The following ZNF492 variants were observed in gnomAD, a reference collection of about 807,000 sequenced individuals.
ZNF492 encodes the protein zinc finger protein 115 (Y20).
Under a neutral mutation model 6.4 loss-of-function variants are expected in ZNF492, and 3 were observed. The ratio of observed to expected loss-of-function variants is 0.47; its 90% CI spans 0.21 to 1.22. The LOEUF is 1.22. ZNF492 is among the 50% of genes most tolerant of loss of function. ZNF492 has a pLI of 0.22. For synonymous variants in ZNF492, 112 were observed against 205.3 expected, an observed-to-expected ratio of 0.55 and a Z score of 3.89; for missense variants, 356 against 612.5, an observed-to-expected ratio of 0.58 and a Z score of 4.42.
At chr19:22,634,709 G>T (rs1971742336) in intron 1 of ZNF492, among the ~76,000 whole-genome samples, 1 of 152,126 alleles carries the variant, frequency 6.6e-6, no homozygotes, top group East Asian at 1.9e-4. Flanking sequence ...CCCTGGCCTG[G>T]AGCCCTCTCT....
intron 1 of ZNF492, among the ~76,000 whole-genome samples, chr19:22,646,923 T>C (rs894196931): frequency 6.6e-6 from 1 of 152,096 alleles, no homozygotes; most frequent in East Asian, 1.9e-4. Context: ...TGAGACCGAG[T>C]TTCTCTCTTG....
At chr19:22,662,492 C>A (rs1240135405) in intron 3 of ZNF492, among the ~76,000 whole-genome samples, 1 of 152,234 alleles carries the variant, frequency 6.6e-6, no homozygotes, top group South Asian at 2.1e-4. Flanking sequence ...AGTTCTAGAT[C>A]CTTGAGGAAT....
chr19:22,636,000 C>G (rs1971757586), intron 1 of ZNF492, among the ~76,000 whole-genome samples: 1 of 152,170 alleles, frequency 6.6e-6, no homozygotes, highest in Admixed American at 6.5e-5. Context: ...GGTACTTTTT[C>G]TGATCCTCTT....
chr19:22,652,238 T>TTTTTTTTTTTTTTTTTTTTAG, intron 1 of ZNF492, among the ~76,000 whole-genome samples: 1 of 124,140 alleles, frequency 8.1e-6, no homozygotes, highest in African/African-American at 4.5e-5. Flanking sequence ...TTTTTTTTTT[T>TTTTTTTTTTTTTTTTTTTTAG]GAGACGGAGT....
chr19:22,639,185 G>A (rs1456554988), intron 1 of ZNF492, among the ~76,000 whole-genome samples: 2 of 152,026 alleles, frequency 1.3e-5, no homozygotes, highest in Non-Finnish European at 1.5e-5. Flanking sequence ...TTTTCCATTT[G>A]TTTGTGTCAT....
Position 22,653,911 on chromosome 19 carries a change from A to G in ZNF492, c.35-9A>G, listed in dbSNP as rs933138450. On this transcript the variant is annotated splice_polypyrimidine_tract_variant and intron_variant, in intron 2 of 3. Transcript: ENST00000456783. The stretch of plus-strand genomic sequence containing the variant: ...ATGAGCAAGATTCATGTTATTTGTA[A>G]TAAAACAGGTATTGCTGCCTCTAAG... The G allele has an allele frequency of 9.5e-6, 15 of 1,578,276 alleles. No individual in the cohort carries two copies. Among genetic ancestry groups the G allele is most frequent in the African/African-American group, 1.4e-5 (1 of 72,468 alleles).
intron 1 of ZNF492, among the ~76,000 whole-genome samples, chr19:22,639,578 C>G (rs925685322): frequency 2.0e-5 from 3 of 151,756 alleles, no homozygotes; most frequent in Non-Finnish European, 4.4e-5. Flanking sequence ...GGCGTGGTGG[C>G]GCATACCTTT....
At chr19:22,645,053 C>T (rs1276544702) in intron 1 of ZNF492, among the ~76,000 whole-genome samples, 1 of 146,402 alleles carries the variant, frequency 6.8e-6, no homozygotes, top group Admixed American at 6.8e-5. Context: ...CTTTTGCCCA[C>T]TTTTTTTTTT....
chr19:22,661,886 A>C (rs1378684483), intron 3 of ZNF492, among the ~76,000 whole-genome samples: 1 of 152,130 alleles, frequency 6.6e-6, no homozygotes, highest in African/African-American at 2.4e-5. Context: ...TTGAACCACC[A>C]AACTCCTTCT....
At chr19:22,645,314 T>G (rs1449396169) in intron 1 of ZNF492, among the ~76,000 whole-genome samples, 1 of 152,202 alleles carries the variant, frequency 6.6e-6, no homozygotes, top group Non-Finnish European at 1.5e-5. Flanking sequence ...CCCAAAGTGC[T>G]GGGAGTACAG....
At chr19:22,640,966 T>A (rs755175702) in intron 1 of ZNF492, among the ~76,000 whole-genome samples, 11 of 151,904 alleles carry the variant, frequency 7.2e-5, no homozygotes, top group Admixed American at 6.6e-5. Context: ...GTCTCTTTTG[T>A]CATATTTAAT....
chr19:22,659,012 C>T (rs1459921770), intron 3 of ZNF492, among the ~76,000 whole-genome samples: 37 of 151,950 alleles, frequency 2.4e-4, no homozygotes, highest in African/African-American at 8.0e-4. Flanking sequence ...TCTGTATACT[C>T]GAGGGATTGC....
chr19:22,647,352 G>A (rs1038927542), intron 1 of ZNF492, among the ~76,000 whole-genome samples: 2 of 150,914 alleles, frequency 1.3e-5, no homozygotes, highest in Non-Finnish European at 2.9e-5. Flanking sequence ...CGCCTCCTGG[G>A]TTCAAGTGAT....
chr19:22,662,721 A>G (rs1972071285), intron 3 of ZNF492, among the ~76,000 whole-genome samples: 1 of 151,688 alleles, frequency 6.6e-6, no homozygotes, highest in African/African-American at 2.4e-5. Context: ...TGTTGGCTGC[A>G]TAAATGTCTT....
At chr19:22,638,017 T>C (rs1971785673) in intron 1 of ZNF492, among the ~76,000 whole-genome samples, 1 of 152,372 alleles carries the variant, frequency 6.6e-6, no homozygotes, top group South Asian at 2.1e-4. Context: ...GTATGTCTTC[T>C]TCGAAGAAAA....
chr19:22,651,416 G>A (rs570249666), intron 1 of ZNF492, among the ~76,000 whole-genome samples: 4 of 152,130 alleles, frequency 2.6e-5, no homozygotes, highest in African/African-American at 9.6e-5. Flanking sequence ...ATGAAGAACT[G>A]TGTCCACTCT....
chr19:22,638,480 C>A (rs879444024), intron 1 of ZNF492, among the ~76,000 whole-genome samples: 13 of 151,914 alleles, frequency 8.6e-5, no homozygotes, highest in Non-Finnish European at 1.5e-4. Flanking sequence ...GATTTCTTTC[C>A]AGATTCCTGT....
chr19:22,637,272 C>G (rs569064803), intron 1 of ZNF492, among the ~76,000 whole-genome samples: 1 of 151,930 alleles, frequency 6.6e-6, no homozygotes, highest in South Asian at 2.1e-4. Flanking sequence ...CCATTGCACC[C>G]GGCCTAAACC....
rs576050423 is a variant in ZNF492 at position 22,653,335 on chromosome 19, T to C, written c.-65T>C. On this transcript the variant is annotated 5_prime_UTR_variant, in exon 2 of 4. An upstream open reading frame in the 5' UTR loses its in-frame stop. Coordinates refer to ENST00000456783, the MANE Select transcript of ZNF492 (RefSeq NM_020855.3). ...GTGTTGACATTTAGGGATGTGGCCA[T>C]AGAATTCTCTCTGGAGGAGTGGCAA... 1.4e-5 allele frequency: 22 copies of C among 1,613,616 alleles called. No homozygotes were observed. In the African/African-American group the frequency reaches 2.8e-4, roughly 21 times the overall value.
Sources: gnomAD v4.1 joint callset for allele counts (sites outside exome capture counted in the v4.1 genomes callset) on GRCh38, gnomAD v4.1.1 for gene constraint, MANE v1.5 for transcripts, NCBI Gene and HGNC (gene_info 2026-07-23, HGNC 2026-07-21) for gene names.